Variants in GLI4 observed in about 807,000 individuals in gnomAD.
GLI4 encodes zinc finger protein GLI4.
In GLI4, 34 loss-of-function variants were observed where a neutral mutation model predicts 30.9. The ratio of observed to expected loss-of-function variants is 1.10; its 90% CI spans 0.84 to 1.47. The LOEUF (loss-of-function observed/expected upper bound fraction) is 1.47. Among genes scored for constraint, GLI4 ranks in the 40% most tolerant of loss-of-function variants. The pLI is 0.00. For synonymous variants in GLI4, 277 were observed against 236.7 expected (o/e 1.17, Z -1.56); for missense variants, 696 against 538.9 (o/e 1.29, Z -2.89).
intron 3 of GLI4, 93 bp downstream of exon 3, chr8:143,274,895 C>A: frequency 6.7e-7 from 1 of 1,492,736 alleles, no homozygotes; most frequent in South Asian, 1.3e-5. Context: ...CCAATGCTGG[C>A]ACCACCCCCT....
At chr8:143,275,022 C>T (rs1487210478) in intron 3 of GLI4, 22 of 1,521,000 alleles carry the variant, frequency 1.4e-5, no homozygotes, top group Non-Finnish European at 1.1e-5. Flanking sequence ...AGCCCACAGC[C>T]ACCTGCGCCA....
At chr8:143,275,632 C>G (rs1009951301) in intron 3 of GLI4, 3 of 1,234,068 alleles carry the variant, frequency 2.4e-6, no homozygotes, top group East Asian at 3.2e-5. Context: ...GCTCCGTGCA[C>G]CGGCACGGCC....
At chr8:143,272,830 G>C (rs1815299092) in intron 2 of GLI4, among the ~76,000 whole-genome samples, 1 of 152,192 alleles carries the variant, frequency 6.6e-6, no homozygotes, top group African/African-American at 2.4e-5. Flanking sequence ...TGCCTGCACA[G>C]GGCAGTTCCC....
chr8:143,275,670 A>G (rs962345888), intron 3 of GLI4: 1 of 1,240,400 alleles, frequency 8.1e-7, no homozygotes, highest in African/African-American at 1.6e-5. Flanking sequence ...TGGTCCCAGC[A>G]GCTCTGGGTC....
Position 143,269,475 on chromosome 8 carries a change from A to G in GLI4, c.79A>G (p.Thr27Ala). The part of the protein sequence containing the change: ...VSLSSPGTPG[T>A]QHHEPQLHLH... ...TCTCTCATCACCGGGGACACCTGGAACCCAGCACCACGAGCCTCAGCTTCA... is the reference window on the plus strand; with the variant it reads ...TCTCTCATCACCGGGGACACCTGGAGCCCAGCACCACGAGCCTCAGCTTCA... The change falls in exon 2 of 4, where the codon ACC becomes GCC. Residue 27 changes from threonine to alanine, a missense_variant. Coordinates refer to ENST00000340042, the MANE Select transcript of GLI4 (RefSeq NM_138465.4). 1 of 1,612,772 alleles carries G rather than the reference A, an allele frequency of 6.2e-7. No individual in the cohort carries two copies. Among genetic ancestry groups the G allele is most frequent in the Non-Finnish European group, 8.5e-7 (1 of 1,179,316 alleles).
chr8:143,275,700 C>T, intron 3 of GLI4, 197 bp from the exon 4 acceptor site: 1 of 1,242,178 alleles, frequency 8.1e-7, no homozygotes, highest in South Asian at 3.9e-5. Flanking sequence ...CGCCCCCCAC[C>T]CCTGTGTCTA....
intron 1 of GLI4, 194 bp downstream of exon 1, chr8:143,267,678 G>A (rs1157723428): frequency 8.1e-6 from 8 of 985,330 alleles, no homozygotes; most frequent in Non-Finnish European, 9.6e-6. Context: ...GAGCAGCAGC[G>A]GACCGCCCCG....
In GLI4 at chr8:143,269,342, G is replaced by A; in HGVS notation, c.-37-18G>A. 1.9e-6 allele frequency: 3 copies of A among 1,586,934 alleles called. No homozygotes were observed. The highest frequency in any genetic ancestry group is 2.6e-6 in the Non-Finnish European group (3 of 1,162,462). Reference sequence around the variant, plus strand: ...TCCTCCCAATCCCCTCATCTGCCATGGTTTTCATTTTCCCCAGGTCCCAGG... The same window carrying A: ...TCCTCCCAATCCCCTCATCTGCCATAGTTTTCATTTTCCCCAGGTCCCAGG... On this transcript the variant is annotated intron_variant, in intron 1 of 3. Transcript: ENST00000340042.
intron 3 of GLI4, chr8:143,275,613 G>T: frequency 8.1e-7 from 1 of 1,238,436 alleles, no homozygotes; most frequent in Non-Finnish European, 1.0e-6. Context: ...GGTCTGTCTT[G>T]CCACTGTGGC....
chr8:143,271,808 C>A (rs1815274484), intron 2 of GLI4, among the ~76,000 whole-genome samples: 1 of 152,046 alleles, frequency 6.6e-6, no homozygotes, highest in African/African-American at 2.4e-5. Context: ...TGCGGTGGTC[C>A]CTGCAGCCAT....
intron 3 of GLI4, chr8:143,275,411 C>T (rs1052128334): frequency 7.2e-7 from 1 of 1,389,584 alleles, no homozygotes; most frequent in Non-Finnish European, 9.3e-7. Context: ...GTGGGAAGCT[C>T]CTGGGGTGGG....
Position 143,276,541 on chromosome 8 carries a change from A to G in GLI4, c.868A>G (p.Thr290Ala), listed in dbSNP as rs745604673. Residue 290 changes from threonine (T) to alanine (A), a missense_variant, in exon 4 of 4, where the codon ACG (threonine) becomes GCG (alanine). Coordinates refer to ENST00000340042, the MANE Select transcript of GLI4 (RefSeq NM_138465.4). ...CCTGGTGCGCCACCAGCGGCTGCAC[A>G]CGGGTGAGAAGCCCTACGCCTGCAG... is the stretch of plus-strand genomic sequence containing the variant. ...SNLVRHQRLH[T>A]GEKPYACSQC... 6.2e-7 allele frequency: 1 copy of G among 1,612,294 alleles called. No individual in the cohort carries two copies. Among genetic ancestry groups the G allele is most frequent in the South Asian group, 1.1e-5 (1 of 91,064 alleles).
chr8:143,267,931 C>A (rs930214354), intron 1 of GLI4: 1 of 985,434 alleles, frequency 1.0e-6, no homozygotes, highest in African/African-American at 1.7e-5. Context: ...GAGGATGCTT[C>A]CCCCGAGCCG....
intron 2 of GLI4, among the ~76,000 whole-genome samples, chr8:143,270,224 G>C (rs940786078): frequency 6.6e-6 from 1 of 152,250 alleles, no homozygotes; most frequent in African/African-American, 2.4e-5. Context: ...GGGCAACCTG[G>C]CACAGGGTTC....
chr8:143,269,657 C>A, intron 2 of GLI4, 137 bp downstream of exon 2: 1 of 752,970 alleles, frequency 1.3e-6, no homozygotes, highest in Non-Finnish European at 2.3e-6. Context: ...CCTTCAGCAG[C>A]TGGGGTTCCC....
At chr8:143,275,243 T>TC (rs1815358069) in intron 3 of GLI4, 1 of 1,526,580 alleles carries the variant, frequency 6.6e-7, no homozygotes, top group African/African-American at 1.4e-5. Flanking sequence ...CCCCTGCACC[T>TC]CCCCCTTGAG....
At chr8:143,268,270 G>A (rs1378201932) in intron 1 of GLI4, among the ~76,000 whole-genome samples, 1 of 152,210 alleles carries the variant, frequency 6.6e-6, no homozygotes, top group African/African-American at 2.4e-5. Flanking sequence ...CCTCGAAGCA[G>A]GCACTGTCTG....
At position 143,276,072 on chromosome 8, in the gene GLI4, C is replaced by G. The variant is rs1207780986; in HGVS notation, c.399C>G (p.Ala133=). Reference sequence around the variant, plus strand: ...GGCCGGCGGGCCAGCCGCCTGGGGCCGTCCCTTGCGCCCAGCCGCGGGGCG... The same window carrying G: ...GGCCGGCGGGCCAGCCGCCTGGGGCGGTCCCTTGCGCCCAGCCGCGGGGCG... ...AERPAGQPPG[A]VPCAQPRGAW... Residue 133 remains alanine (A), a synonymous_variant, in exon 4 of 4, where the codon GCC becomes GCG. Transcript: ENST00000340042. 2.9e-6 allele frequency: 4 copies of G among 1,400,946 alleles called. No individual in the cohort carries two copies. The highest frequency in any genetic ancestry group is 2.6e-4 in the Middle Eastern group (1 of 3,844). 86.8% of individuals were successfully genotyped at this position (1,400,946 alleles called of 1,614,324 possible).
At chr8:143,273,974 G>T (rs1815328494) in intron 2 of GLI4, among the ~76,000 whole-genome samples, 1 of 152,204 alleles carries the variant, frequency 6.6e-6, no homozygotes, top group Admixed American at 6.5e-5. Flanking sequence ...ACTGGCCTCG[G>T]GCAGTGGAGC....
Sources: gnomAD v4.1 joint callset for allele counts (sites outside exome capture counted in the v4.1 genomes callset) on GRCh38, gnomAD v4.1.1 for gene constraint, MANE v1.5 for transcripts, NCBI Gene and HGNC (gene_info 2026-07-23, HGNC 2026-07-21) for gene names.